The following PCDH11X variants were observed in gnomAD, a reference collection of about 807,000 sequenced individuals.
PCDH11X encodes protocadherin-11 X-linked.
In PCDH11X, 18 loss-of-function variants were observed where a neutral mutation model predicts 53.3. The observed-to-expected ratio is 0.34, with a 90% CI of 0.23 to 0.50. The LOEUF (loss-of-function observed/expected upper bound fraction) is 0.50, where lower values mean the gene tolerates loss of function less well. Among genes scored for constraint, PCDH11X ranks in the 20% least tolerant of loss-of-function variants. The pLI, the probability that PCDH11X is intolerant of heterozygous loss-of-function variation, is 0.98. For missense variants in PCDH11X, 570 were observed against 1,032.4 expected, an observed-to-expected ratio of 0.55 and a Z score of 6.14; for synonymous variants, 279 against 393.3, an observed-to-expected ratio of 0.71 and a Z score of 3.44.
In PCDH11X at chrX:92,370,141, C is replaced by T. The variant is rs188216767; in HGVS notation, c.3145-17594C>T. 2.9e-3 allele frequency among the ~76,000 whole-genome samples: 319 copies of T among 109,924 alleles called. 7 individuals carry two copies. In the East Asian group the frequency reaches 0.055, roughly 19 times the overall value. ...ATATTTTCTAATGTGATTTTTCTTT[C>T]TAATATTTTATAATGTGATTTTTTG... On this transcript the variant is annotated intron_variant, in intron 8 of 10. Transcript: ENST00000682573.
intron 5 of PCDH11X, among the ~76,000 whole-genome samples, chrX:91,851,944 GA>G (rs1372272575): frequency 8.1e-4 from 84 of 104,169 alleles, no homozygotes; most frequent in Middle Eastern, 5.1e-3. Context: ...ATAGTGAGAG[GA>G]AAAAAAAAAT....
At chrX:92,085,253 T>A (rs1255901446) in intron 6 of PCDH11X, among the ~76,000 whole-genome samples, 2 of 110,628 alleles carry the variant, frequency 1.8e-5, no homozygotes, top group Non-Finnish European at 3.8e-5. Context: ...AAAATATACA[T>A]CTAAATTGGG....
Position 92,091,895 on chromosome X carries a change from G to A in PCDH11X, c.3034-109480G>A, listed in dbSNP as rs771868626. Among the ~76,000 whole-genome samples the A allele has an allele frequency of 2.7e-5, 3 of 111,210 alleles. No individual in the cohort carries two copies. The East Asian group carries it at 8.5e-4, about 32-fold the overall frequency. On this transcript the variant is annotated intron_variant, in intron 6 of 10. Transcript: ENST00000682573. ...TCTTAGTTGATTATCTCCTGGTTCT[G>A]GAAAGGAAGGAAGGAAGACAAAGAG...
intron 4 of PCDH11X, among the ~76,000 whole-genome samples, chrX:91,821,174 A>G (rs1365955091): frequency 5.5e-5 from 6 of 108,970 alleles, no homozygotes; most frequent in African/African-American, 1.7e-4. Context: ...TTGGTTCCAT[A>G]TGAACTTTAT....
At chrX:91,782,839 T>C (rs1935201259) in intron 1 of PCDH11X, among the ~76,000 whole-genome samples, 1 of 111,706 alleles carries the variant, frequency 9.0e-6, no homozygotes, top group African/African-American at 3.3e-5. Context: ...AGCAAGCCCC[T>C]GCTTTGCCAA....
intron 7 of PCDH11X, among the ~76,000 whole-genome samples, chrX:92,216,977 A>G (rs1446201990): frequency 9.1e-6 from 1 of 110,097 alleles, no homozygotes; most frequent in Non-Finnish European, 1.9e-5. Flanking sequence ...AGGAGAAATA[A>G]AATACTTTAC....
intron 8 of PCDH11X, among the ~76,000 whole-genome samples, chrX:92,358,591 C>T (rs1356656207): frequency 3.9e-5 from 4 of 101,964 alleles, no homozygotes; most frequent in Non-Finnish European, 7.9e-5. Context: ...ATTTCTTTGC[C>T]CATAATAACC....
At chrX:91,906,406 C>A (rs746962648) in intron 6 of PCDH11X, among the ~76,000 whole-genome samples, 1 of 108,896 alleles carries the variant, frequency 9.2e-6, no homozygotes, top group African/African-American at 3.3e-5. Flanking sequence ...AATATATTAA[C>A]CACTTTGATA....
chrX:92,406,928 TAAA>T (rs765455608), intron 9 of PCDH11X, among the ~76,000 whole-genome samples: 67 of 54,411 alleles, frequency 1.2e-3, no homozygotes, highest in Middle Eastern at 0.012. Flanking sequence ...TTCCATCTCA[TAAA>T]AAAAAAAAAA....
At chrX:92,278,801 T>C (rs1252695853) in intron 8 of PCDH11X, among the ~76,000 whole-genome samples, 1 of 92,561 alleles carries the variant, frequency 1.1e-5, no homozygotes, top group African/African-American at 4.2e-5. Flanking sequence ...GACAGTCTCT[T>C]TTCAGTTTTT....
chrX:92,055,895 C>A (rs1286777508), intron 6 of PCDH11X, among the ~76,000 whole-genome samples: 2 of 111,086 alleles, frequency 1.8e-5, no homozygotes, highest in East Asian at 5.7e-4. Context: ...TTTTTTATGA[C>A]TGCATAGTAT....
At chrX:92,527,161 G>A (rs1175323345) in intron 10 of PCDH11X, among the ~76,000 whole-genome samples, 2 of 111,108 alleles carry the variant, frequency 1.8e-5, no homozygotes, top group African/African-American at 6.5e-5. Context: ...ATGGTTAATG[G>A]GCCCAAAAAT....
At chrX:91,801,337 A>G (rs1263829118) in intron 1 of PCDH11X, among the ~76,000 whole-genome samples, 3 of 110,307 alleles carry the variant, frequency 2.7e-5, no homozygotes, top group Admixed American at 1.9e-4. Context: ...GTTAGTCAAC[A>G]AAAAAGAGGG....
At chrX:92,166,093 T>C (rs761999422) in intron 6 of PCDH11X, among the ~76,000 whole-genome samples, 2 of 110,665 alleles carry the variant, frequency 1.8e-5, no homozygotes, top group East Asian at 5.7e-4. Flanking sequence ...TGAAATATAG[T>C]GTACAGTAAT....
chrX:92,592,368 C>T (rs1335502478), intron 10 of PCDH11X, among the ~76,000 whole-genome samples: 15 of 108,347 alleles, frequency 1.4e-4, no homozygotes, highest in Non-Finnish European at 2.9e-4. Flanking sequence ...GGAGACGCCT[C>T]GTGTGCCTGT....
At chrX:91,973,613 C>CTTTTTTTTTTT (rs750179369) in intron 6 of PCDH11X, among the ~76,000 whole-genome samples, 1 of 88,315 alleles carries the variant, frequency 1.1e-5, no homozygotes, top group African/African-American at 4.3e-5. Context: ...GTATATACAA[C>CTTTTTTTTTTT]TTTTTTTTTT....
In PCDH11X at chrX:92,255,432, C is replaced by T. The variant is rs1413547079; in HGVS notation, c.3115-7682C>T. Among the ~76,000 whole-genome samples the T allele has an allele frequency of 1.4e-4, 15 of 107,682 alleles. No individual in the cohort carries two copies. In the East Asian group the frequency reaches 1.4e-3, roughly 10 times the overall value. 93.5% of individuals were successfully genotyped at this position (107,682 alleles called of 115,157 possible). A position where few individuals can be genotyped will look rare whatever the true frequency, so the allele number is the denominator to read the frequency against. On this transcript the variant is annotated intron_variant, in intron 7 of 10. Coordinates refer to ENST00000682573, the MANE Select transcript of PCDH11X (RefSeq NM_032968.5). ...TAATTTGATCGTCTGAAGCCTTCTT[C>T]TCTCAGCTCGTCAAAGTCATTCTCC...
At chrX:92,507,900 C>T (rs1468206496) in intron 10 of PCDH11X, among the ~76,000 whole-genome samples, 1 of 110,729 alleles carries the variant, frequency 9.0e-6, no homozygotes, top group Non-Finnish European at 1.9e-5. Flanking sequence ...GCAACCTCCA[C>T]CTCTTGGGTT....
chrX:92,184,777 C>A (rs936289285), intron 6 of PCDH11X, among the ~76,000 whole-genome samples: 2 of 111,145 alleles, frequency 1.8e-5, no homozygotes, highest in African/African-American at 6.5e-5. Flanking sequence ...GGCAGAGTGG[C>A]TCATGCCTAT....
Sources: gnomAD v4.1 joint callset for allele counts (sites outside exome capture counted in the v4.1 genomes callset) on GRCh38, gnomAD v4.1.1 for gene constraint, MANE v1.5 for transcripts, NCBI Gene and HGNC (gene_info 2026-07-23, HGNC 2026-07-21) for gene names.